G6PD: variants seen among roughly 807,000 people sequenced by gnomAD.
G6PD encodes the protein glucose-6-phosphate 1-dehydrogenase.
A neutral mutation model predicts 38.2 loss-of-function variants in G6PD; 2 were observed. The observed-to-expected ratio is 0.05, with a 90% CI of 0.02 to 0.16. G6PD has a LOEUF of 0.16. Ranked by LOEUF, G6PD falls within the 10% of genes least tolerant of loss-of-function variation. The pLI, the probability that G6PD is intolerant of heterozygous loss-of-function variation, is 1.00. For missense variants in G6PD, 310 were observed against 471.6 expected (o/e 0.66, Z 3.17); for synonymous variants, 188 against 196.0 (o/e 0.96, Z 0.34).
intron 7 of G6PD, 99 bp downstream of exon 7, chrX:154,533,936 G>A (rs895635382): frequency 8.3e-7 from 1 of 1,204,027 alleles, no homozygotes; most frequent in Non-Finnish European, 1.1e-6. Flanking sequence ...GAACTGCAGG[G>A]TGAGGAGGAG....
chrX:154,546,657 A>G, intron 1 of G6PD, 132 bp downstream of exon 1: 1 of 545,566 alleles, frequency 1.8e-6, no homozygotes, highest in Non-Finnish European at 2.9e-6. Flanking sequence ...GCGGGGTATA[A>G]AGGGATTGGT....
Position 154,535,173 on chromosome X carries a change from G to T in G6PD, c.480C>A (p.Ser160Arg). 8.3e-7 allele frequency: 1 copy of T among 1,209,916 alleles called. No individual in the cohort carries two copies. The highest frequency in any genetic ancestry group is 1.1e-6 in the Non-Finnish European group (1 of 894,539). Reference sequence around the variant, plus strand: ...AGGGCAACGGCAAGCCTTACATCTGGCTCATGCAGGACTCGTGAATGTTCT... The same window carrying T: ...AGGGCAACGGCAAGCCTTACATCTGTCTCATGCAGGACTCGTGAATGTTCT... The part of the protein sequence containing the change: ...VTKNIHESCM[S>R]QIGWNRIIVE... Residue 160 changes from serine (S) to arginine (R), a missense_variant, in exon 5 of 13, where the codon AGC (serine) becomes AGA (arginine). By Grantham distance (110) the Ser-to-Arg change is moderately radical. Transcript: ENST00000393562.
chrX:154,532,158 C>G (rs782663412), intron 12 of G6PD, 30 bp downstream of exon 12: 8 of 1,191,174 alleles, frequency 6.7e-6, no homozygotes, highest in Non-Finnish European at 9.1e-6. Flanking sequence ...GCCCGCTGGG[C>G]TCTGTCCCCA....
intron 5 of G6PD, among the ~76,000 whole-genome samples, chrX:154,534,734 T>TC (rs1236243260): frequency 9.0e-6 from 1 of 111,474 alleles, no homozygotes; most frequent in African/African-American, 3.3e-5. Context: ...CCCGTTCCCC[T>TC]CCTGCCTCAT....
rs1557229698 is a variant in G6PD, at chrX:154,532,693, G to A, written c.1161C>T (p.Arg387=). The change falls in exon 10 of 13, where the codon CGC becomes CGT. Residue 387 remains arginine, a synonymous_variant. Transcript: ENST00000393562. ...AGDIFHQQCK[R]NELVIRVQPN... is the part of the protein sequence containing the mutation. ...GCTGCACGCGGATCACCAGCTCGTT[G>A]CGCTTGCACTGCTGGTGGAAGATGT... 8.3e-7 allele frequency: 1 copy of A among 1,211,043 alleles called. No individual in the cohort carries two copies. The highest frequency in any genetic ancestry group is 1.7e-5 in the African/African-American group (1 of 57,600).
rs992721645 is a variant in G6PD at position 154,534,235 on chromosome X, T to A, written c.645-75A>T. On this transcript the variant is annotated intron_variant, in intron 6 of 12. Coordinates refer to ENST00000393562, the MANE Select transcript of G6PD (RefSeq NM_001360016.2). Reference sequence around the variant, plus strand: ...AGGGGCCACATGTGAGGGGTCACCCTTGTCTGAGTTCTGGAGGAATTCGTC... The same window carrying A: ...AGGGGCCACATGTGAGGGGTCACCCATGTCTGAGTTCTGGAGGAATTCGTC... The A allele has an allele frequency of 1.7e-5, 20 of 1,203,511 alleles. No individual in the cohort carries two copies. In the African/African-American group the frequency reaches 3.2e-4, roughly 19 times the overall value.
intron 2 of G6PD, among the ~76,000 whole-genome samples, chrX:154,542,969 T>C (rs1342672196): frequency 2.7e-5 from 3 of 112,101 alleles, no homozygotes; most frequent in Non-Finnish European, 5.6e-5. Context: ...GTCTGCTCAA[T>C]GAACGGAGAA....
intron 5 of G6PD, 113 bp from the exon 6 acceptor site, chrX:154,534,609 C>T: frequency 5.4e-6 from 5 of 925,138 alleles, no homozygotes; most frequent in Non-Finnish European, 7.5e-6. Context: ...AACCTCCTCG[C>T]CCCCGTGGCC....
intron 12 of G6PD, 37 bp downstream of exon 12, chrX:154,532,151 C>T (rs782471533): frequency 2.5e-6 from 3 of 1,202,311 alleles, no homozygotes; most frequent in Admixed American, 2.2e-5. Flanking sequence ...CGCCCCTGCC[C>T]GCTGGGCTCT....
chrX:154,545,836 C>CAAA (rs781893284), intron 2 of G6PD, 200 bp downstream of exon 2: 176 of 282,803 alleles, frequency 6.2e-4, no homozygotes, highest in African/African-American at 1.1e-3. Flanking sequence ...ACTCCGTCTC[C>CAAA]AAAAAAAAAA....
At chrX:154,542,708 G>A (rs1427507269) in intron 2 of G6PD, among the ~76,000 whole-genome samples, 1 of 112,102 alleles carries the variant, frequency 8.9e-6, no homozygotes, top group Non-Finnish European at 1.9e-5. Context: ...AGGTCATGCT[G>A]AGCTTGTTCC....
chrX:154,543,326 G>T (rs1373731595), intron 2 of G6PD, among the ~76,000 whole-genome samples: 3 of 112,593 alleles, frequency 2.7e-5, no homozygotes, highest in African/African-American at 9.7e-5. Flanking sequence ...CCCGAAGCTG[G>T]CCACAGGCGG....
At chrX:154,542,769 G>A (rs2070554792) in intron 2 of G6PD, among the ~76,000 whole-genome samples, 1 of 111,695 alleles carries the variant, frequency 9.0e-6, no homozygotes. Context: ...GTGCTCTCCC[G>A]GCCCTCTTTG....
At chrX:154,542,558 TG>T in intron 2 of G6PD, 2 of 990,138 alleles carry the variant, frequency 2.0e-6, no homozygotes, top group Non-Finnish European at 2.7e-6. Context: ...GGAAGGAAGC[TG>T]GGTGTGTGGG....
upstream of G6PD, chrX:154,547,088 A>G (rs1468424460): frequency 4.5e-5 from 7 of 154,145 alleles, no homozygotes; most frequent in African/African-American, 9.7e-5. Context: ...TGCATCCCCA[A>G]TTCCGGCGGG....
intron 8 of G6PD, chrX:154,533,334 G>A (rs1488622323): frequency 2.0e-6 from 1 of 501,627 alleles, no homozygotes; most frequent in African/African-American, 2.4e-5. Flanking sequence ...TGATGAACAA[G>A]CTGAGGCCCA....
Position 154,537,865 on chromosome X carries a change from C to T in G6PD, c.121-1687G>A, listed in dbSNP as rs368553621. 1.9e-4 allele frequency among the ~76,000 whole-genome samples: 21 copies of T among 111,834 alleles called. No individual in the cohort carries two copies. In the East Asian group the frequency reaches 3.3e-3, roughly 18 times the overall value. On this transcript the variant is annotated intron_variant, in intron 2 of 12. Transcript: ENST00000393562. ...AGAAAGGCACATGGGAAAACCCATACGCCTCATTCACACACACATGCAGAT... is the reference window on the plus strand; with the variant it reads ...AGAAAGGCACATGGGAAAACCCATATGCCTCATTCACACACACATGCAGAT...
At chrX:154,539,241 G>C (rs185486760) in intron 2 of G6PD, among the ~76,000 whole-genome samples, 1,879 of 111,652 alleles carry the variant, frequency 0.017, 21 homozygotes, top group Middle Eastern at 0.12. Flanking sequence ...GTTCATAGCG[G>C]CCCCAAACTG....
chrX:154,533,878 G>T (rs1258705595), intron 7 of G6PD, 157 bp downstream of exon 7: 16 of 1,196,884 alleles, frequency 1.3e-5, no homozygotes, highest in Non-Finnish European at 1.8e-5. Flanking sequence ...GCTGTGTAGG[G>T]GTCCAGCCCT....
Sources: allele counts gnomAD v4.1 joint callset (sites outside exome capture counted in the v4.1 genomes callset), GRCh38; gene constraint gnomAD v4.1.1; transcripts MANE v1.5; gene names NCBI Gene and HGNC (gene_info 2026-07-23, HGNC 2026-07-21).